The following TSPAN5 variants were observed in gnomAD, a reference collection of about 807,000 sequenced individuals.
The protein encoded by TSPAN5 is tetraspanin 5, also known as tetraspanin-5.
Under a neutral mutation model 37.1 loss-of-function variants are expected in TSPAN5, and 10 were observed. That is an observed-to-expected ratio of 0.27 (90% CI 0.17 to 0.46). The LOEUF (loss-of-function observed/expected upper bound fraction) is 0.46, where lower values mean the gene tolerates loss of function less well. Among genes scored for constraint, TSPAN5 ranks in the 20% least tolerant of loss-of-function variants. TSPAN5 has a pLI of 1.00. For synonymous variants in TSPAN5, 110 were observed against 118.9 expected (o/e 0.93, Z 0.48); for missense variants, 195 against 326.6 (o/e 0.60, Z 3.11).
At position 98,644,585 on chromosome 4, in the gene TSPAN5, G is replaced by A. The variant is rs182956913; in HGVS notation, c.81+13561C>T. Among the ~76,000 whole-genome samples, 246 of 151,972 alleles carry A rather than the reference G, an allele frequency of 1.6e-3. 1 individual carries two copies. Among genetic ancestry groups the A allele is most frequent in the African/African-American group, 5.5e-3 (229 of 41,430 alleles). ...GGTTACATATGTATACATGTGACAT[G>A]CTGGTGCGCTGCACCCACTAACTCG... On this transcript the variant is annotated intron_variant, in intron 1 of 7. Transcript: ENST00000305798.
chr4:98,548,652 T>G (rs80137673), intron 1 of TSPAN5, among the ~76,000 whole-genome samples: 1 of 152,058 alleles, frequency 6.6e-6, no homozygotes, highest in East Asian at 1.9e-4. Context: ...CAATCATAAT[T>G]TTTCAACCCT....
At chr4:98,576,092 G>A (rs188899591) in intron 1 of TSPAN5, among the ~76,000 whole-genome samples, 36 of 151,680 alleles carry the variant, frequency 2.4e-4, no homozygotes, top group Admixed American at 2.2e-3. Flanking sequence ...AATAATAAAG[G>A]TTATTTTATG....
At chr4:98,598,200 C>T (rs1755794342) in intron 1 of TSPAN5, among the ~76,000 whole-genome samples, 1 of 140,612 alleles carries the variant, frequency 7.1e-6, no homozygotes, top group South Asian at 2.4e-4. Flanking sequence ...ACCCGATTTT[C>T]CAGGTGCGTC....
chr4:98,652,891 TCTCC>T (rs756453075), intron 1 of TSPAN5, among the ~76,000 whole-genome samples: 19 of 152,198 alleles, frequency 1.2e-4, no homozygotes, highest in Admixed American at 3.3e-4. Context: ...TTTTCCAACT[TCTCC>T]CCACTTGGCT....
chr4:98,601,887 G>A (rs1755891345), intron 1 of TSPAN5, among the ~76,000 whole-genome samples: 4 of 152,118 alleles, frequency 2.6e-5, no homozygotes, highest in South Asian at 2.1e-4. Flanking sequence ...CTTAAACACT[G>A]AGAAACCATT....
chr4:98,623,400 C>A (rs1344880322), intron 1 of TSPAN5, among the ~76,000 whole-genome samples: 1 of 152,158 alleles, frequency 6.6e-6, no homozygotes, highest in Non-Finnish European at 1.5e-5. Context: ...ACACACCCTC[C>A]CTGCTGACAA....
chr4:98,615,404 C>T (rs1477497798), intron 1 of TSPAN5, among the ~76,000 whole-genome samples: 1 of 152,244 alleles, frequency 6.6e-6, no homozygotes, highest in Non-Finnish European at 1.5e-5. Context: ...ATTTTGTTCT[C>T]AATCACTCAG....
Position 98,658,307 on chromosome 4 carries a change from G to C in TSPAN5, c.-81C>G. The C allele has an allele frequency of 8.4e-7, 1 of 1,189,580 alleles. No individual in the cohort carries two copies. The highest frequency in any genetic ancestry group is 1.3e-6 in the Non-Finnish European group (1 of 795,526). The allele number at this position is 1,189,580 out of a possible 1,614,324, so 73.7% of individuals were successfully genotyped here. Reference sequence around the variant, plus strand: ...ACCGTTGCTCGGAGCAGCCCGGCGGGGAGCAGGAGCTCAGGGACACCGCAC... The same window carrying C: ...ACCGTTGCTCGGAGCAGCCCGGCGGCGAGCAGGAGCTCAGGGACACCGCAC... On this transcript the variant is annotated 5_prime_UTR_variant, in exon 1 of 8. Transcript: ENST00000305798.
intron 1 of TSPAN5, among the ~76,000 whole-genome samples, chr4:98,632,833 G>A (rs924700307): frequency 2.0e-5 from 3 of 152,182 alleles, no homozygotes; most frequent in African/African-American, 7.2e-5. Context: ...AGGGAATAAG[G>A]CTGCAGGTGG....
chr4:98,473,737 A>C (rs1752637248), intron 7 of TSPAN5, among the ~76,000 whole-genome samples: 1 of 152,162 alleles, frequency 6.6e-6, no homozygotes, highest in South Asian at 2.1e-4. Context: ...TTTAATCTTT[A>C]GAGAAATGTC....
At chr4:98,645,697 G>A (rs1278829998) in intron 1 of TSPAN5, among the ~76,000 whole-genome samples, 1 of 152,126 alleles carries the variant, frequency 6.6e-6, no homozygotes, top group Non-Finnish European at 1.5e-5. Context: ...AGCTAGTGGA[G>A]GTCAGGAGGA....
At chr4:98,602,566 A>T (rs1056309746) in intron 1 of TSPAN5, among the ~76,000 whole-genome samples, 2 of 152,176 alleles carry the variant, frequency 1.3e-5, no homozygotes, top group African/African-American at 2.4e-5. Context: ...CACAGCTCTC[A>T]TATCAACCCT....
chr4:98,533,446 T>C (rs1461565293), intron 1 of TSPAN5, among the ~76,000 whole-genome samples: 1 of 151,846 alleles, frequency 6.6e-6, no homozygotes, highest in Non-Finnish European at 1.5e-5. Context: ...ATTTATCCAT[T>C]ATTACAGGTT....
intron 2 of TSPAN5, among the ~76,000 whole-genome samples, chr4:98,487,471 A>G (rs908009016): frequency 2.0e-5 from 3 of 152,328 alleles, no homozygotes; most frequent in East Asian, 1.9e-4. Context: ...ACAAATGCCT[A>G]TTGCAAAGCC....
intron 2 of TSPAN5, among the ~76,000 whole-genome samples, chr4:98,498,204 G>A (rs67722464): frequency 0.048 from 7,258 of 152,146 alleles, 295 homozygotes; most frequent in Admixed American, 0.11. Flanking sequence ...TTACCCATGT[G>A]AGGAGACAGA....
At chr4:98,634,774 A>G (rs1415111322) in intron 1 of TSPAN5, among the ~76,000 whole-genome samples, 1 of 152,002 alleles carries the variant, frequency 6.6e-6, no homozygotes, top group Non-Finnish European at 1.5e-5. Flanking sequence ...ATTTCTACAG[A>G]TGAAGACCAG....
intron 7 of TSPAN5, among the ~76,000 whole-genome samples, chr4:98,474,415 A>G (rs1158233044): frequency 1.3e-5 from 2 of 152,132 alleles, no homozygotes; most frequent in Non-Finnish European, 2.9e-5. Context: ...GTGCAATGGC[A>G]TGATCTCAGC....
chr4:98,505,335 C>T (rs1459210085), intron 2 of TSPAN5, among the ~76,000 whole-genome samples: 1 of 152,200 alleles, frequency 6.6e-6, no homozygotes, highest in Non-Finnish European at 1.5e-5. Context: ...TGGCCTCTAC[C>T]TGGCAACACA....
At chr4:98,608,596 A>C in intron 1 of TSPAN5, among the ~76,000 whole-genome samples, 1 of 152,230 alleles carries the variant, frequency 6.6e-6, no homozygotes, top group East Asian at 1.9e-4. Flanking sequence ...CCTGACCCCA[A>C]TGAGGATGCT....
Sources: allele counts gnomAD v4.1 joint callset (sites outside exome capture counted in the v4.1 genomes callset), GRCh38; gene constraint gnomAD v4.1.1; transcripts MANE v1.5; gene names NCBI Gene and HGNC (gene_info 2026-07-23, HGNC 2026-07-21).